The following PRKAG2 variants were observed in gnomAD, a reference collection of about 807,000 sequenced individuals.
The protein encoded by PRKAG2 is protein kinase AMP-activated non-catalytic subunit gamma 2.
In PRKAG2, 26 loss-of-function variants were observed where a neutral mutation model predicts 69.6. The observed-to-expected ratio is 0.37, with a 90% CI of 0.27 to 0.52. PRKAG2 has a LOEUF of 0.52. Ranked by LOEUF, PRKAG2 falls within the 20% of genes least tolerant of loss-of-function variation. The pLI is 0.90. For missense variants in PRKAG2, 557 were observed against 740.0 expected (o/e 0.75, Z 2.87); for synonymous variants, 293 against 285.0 (o/e 1.03, Z -0.28).
intron 3 of PRKAG2, among the ~76,000 whole-genome samples, chr7:151,744,903 T>TGTG (rs1390143959): frequency 3.9e-4 from 59 of 152,212 alleles, no homozygotes; most frequent in Non-Finnish European, 1.0e-4. Flanking sequence ...TCCTACATTC[T>TGTG]TCTCAACCAT....
chr7:151,611,241 G>A (rs757488263), intron 5 of PRKAG2, among the ~76,000 whole-genome samples: 9 of 152,172 alleles, frequency 5.9e-5, no homozygotes, highest in Non-Finnish European at 1.2e-4. Context: ...AGAGAGCAGC[G>A]GAGTGCTGAT....
At chr7:151,806,666 T>G in intron 1 of PRKAG2, 1 of 200,150 alleles carries the variant, frequency 5.0e-6, no homozygotes. Context: ...TTGGGAGGAT[T>G]TTTAAAATAT....
intron 1 of PRKAG2, among the ~76,000 whole-genome samples, chr7:151,874,962 A>G (rs1328711724): frequency 1.3e-5 from 2 of 152,222 alleles, no homozygotes; most frequent in East Asian, 3.8e-4. Context: ...AGCAGGAAAA[A>G]TGGGTATTAT....
intron 1 of PRKAG2, among the ~76,000 whole-genome samples, 191 bp from the exon 2 acceptor site, chr7:151,786,732 GA>G (rs2077030525): frequency 6.6e-6 from 1 of 152,206 alleles, no homozygotes; most frequent in Non-Finnish European, 1.5e-5. Context: ...TCCGCTTCCA[GA>G]ACGTGCAGTC....
intron 1 of PRKAG2, among the ~76,000 whole-genome samples, chr7:151,854,557 G>C (rs934980484): frequency 7.9e-5 from 12 of 152,358 alleles, no homozygotes; most frequent in Admixed American, 2.0e-4. Context: ...GCCAGGCAGC[G>C]GGAATCCAGC....
At chr7:151,770,342 G>A (rs530427114) in intron 3 of PRKAG2, among the ~76,000 whole-genome samples, 4 of 152,176 alleles carry the variant, frequency 2.6e-5, no homozygotes, top group South Asian at 2.1e-4. Context: ...CCACCCCAGC[G>A]TGAACATGGA....
At chr7:151,816,243 G>A (rs1023544214) in intron 1 of PRKAG2, among the ~76,000 whole-genome samples, 11 of 152,162 alleles carry the variant, frequency 7.2e-5, no homozygotes, top group African/African-American at 2.2e-4. Flanking sequence ...CAGGCCTGGC[G>A]TGCTGTGGCC....
At chr7:151,650,923 A>C (rs1828388726) in intron 4 of PRKAG2, among the ~76,000 whole-genome samples, 1 of 151,056 alleles carries the variant, frequency 6.6e-6, no homozygotes. Flanking sequence ...TGAGGAAAAC[A>C]TGTGCAATTG....
At chr7:151,762,262 C>T (rs1252481454) in intron 3 of PRKAG2, among the ~76,000 whole-genome samples, 1 of 152,218 alleles carries the variant, frequency 6.6e-6, no homozygotes, top group Non-Finnish European at 1.5e-5. Context: ...CACGCATCTC[C>T]AGGGTGGGAA....
At chr7:151,868,959 G>A (rs2080147149) in intron 1 of PRKAG2, among the ~76,000 whole-genome samples, 1 of 152,240 alleles carries the variant, frequency 6.6e-6, no homozygotes, top group South Asian at 2.1e-4. Flanking sequence ...CGAAGTCTGA[G>A]TAGATGAAGA....
chr7:151,732,265 A>G (rs1012377432), intron 3 of PRKAG2, among the ~76,000 whole-genome samples: 4 of 151,398 alleles, frequency 2.6e-5, no homozygotes, highest in African/African-American at 9.7e-5. Context: ...CAGCCTTCCA[A>G]TTAGCTGGGA....
chr7:151,800,713 C>T (rs79269598), intron 1 of PRKAG2, among the ~76,000 whole-genome samples: 2,863 of 152,242 alleles, frequency 0.019, 89 homozygotes, highest in African/African-American at 0.066. Context: ...ATTTCTAGGG[C>T]GGTGGAACCG....
chr7:151,808,130 G>A (rs2078217330), intron 1 of PRKAG2, among the ~76,000 whole-genome samples: 1 of 152,154 alleles, frequency 6.6e-6, no homozygotes, highest in Non-Finnish European at 1.5e-5. Flanking sequence ...CTGCACTCCA[G>A]ACTTTGTCAA....
At chr7:151,749,299 C>T (rs2074507715) in intron 3 of PRKAG2, among the ~76,000 whole-genome samples, 1 of 152,142 alleles carries the variant, frequency 6.6e-6, no homozygotes, top group Admixed American at 6.6e-5. Flanking sequence ...ATGAGACAGT[C>T]CCCCGTCCAT....
At chr7:151,729,744 A>G (rs1798619445) in intron 3 of PRKAG2, among the ~76,000 whole-genome samples, 2 of 151,986 alleles carry the variant, frequency 1.3e-5, no homozygotes, top group South Asian at 4.2e-4. Context: ...CGGAGTCCCT[A>G]GAACACACCG....
intron 3 of PRKAG2, among the ~76,000 whole-genome samples, chr7:151,704,827 G>A (rs532799030): frequency 6.6e-6 from 1 of 152,296 alleles, no homozygotes; most frequent in Non-Finnish European, 1.5e-5. Flanking sequence ...TATTGCCAAG[G>A]GAGGCACAGG....
intron 1 of PRKAG2, among the ~76,000 whole-genome samples, chr7:151,833,983 C>G (rs2079094340): frequency 6.6e-6 from 1 of 152,126 alleles, no homozygotes; most frequent in South Asian, 2.1e-4. Context: ...ATGGCGGGGG[C>G]CAGGCAGGGA....
chr7:151,675,885 C>G (rs1832863280), intron 3 of PRKAG2, among the ~76,000 whole-genome samples: 1 of 151,638 alleles, frequency 6.6e-6, no homozygotes, highest in South Asian at 2.1e-4. Context: ...GGCAAGAAGC[C>G]AAATTATTCT....
chr7:151,766,388 G>A (rs538229373), intron 3 of PRKAG2, among the ~76,000 whole-genome samples: 21 of 152,360 alleles, frequency 1.4e-4, no homozygotes, highest in African/African-American at 4.1e-4. Context: ...ACAATGGTAG[G>A]TGGGAGGTTG....
Sources: allele counts gnomAD v4.1 joint callset (sites outside exome capture counted in the v4.1 genomes callset), GRCh38; gene constraint gnomAD v4.1.1; transcripts MANE v1.5; gene names NCBI Gene and HGNC (gene_info 2026-07-23, HGNC 2026-07-21).